ANO6: variants seen among roughly 807,000 people sequenced by gnomAD.
ANO6 encodes anoctamin 6.
In ANO6, 106 loss-of-function variants were observed where a neutral mutation model predicts 117.5. That is an observed-to-expected ratio of 0.90 (90% CI 0.77 to 1.06). ANO6 has a LOEUF of 1.06. Ranked by LOEUF, ANO6 falls within the 50% of genes least tolerant of loss-of-function variation. The pLI is 0.00. For missense variants in ANO6, 955 were observed against 1,121.1 expected (o/e 0.85, Z 2.12); for synonymous variants, 367 against 385.1 (o/e 0.95, Z 0.55).
intron 1 of ANO6, among the ~76,000 whole-genome samples, chr12:45,268,452 G>T (rs1455967177): frequency 3.3e-5 from 5 of 152,196 alleles, no homozygotes; most frequent in Non-Finnish European, 5.9e-5. Flanking sequence ...CCTGGTAGGT[G>T]GAGGTTGCAG....
intron 10 of ANO6, among the ~76,000 whole-genome samples, chr12:45,385,218 G>A (rs1942265302): frequency 6.6e-6 from 1 of 152,126 alleles, no homozygotes; most frequent in Admixed American, 6.5e-5. Context: ...GATATAGGTT[G>A]GGATGCATGA....
intron 1 of ANO6, chr12:45,292,562 G>A (rs1204662426): frequency 7.3e-6 from 6 of 816,532 alleles, no homozygotes; most frequent in Non-Finnish European, 7.5e-6. Context: ...TGTACATTGA[G>A]TTTTTCTATA....
In ANO6 at chr12:45,345,531, C is replaced by T. The variant is rs1941106666; in HGVS notation, c.280-1491C>T. Among the ~76,000 whole-genome samples, 5 of 152,304 alleles carry T rather than the reference C, an allele frequency of 3.3e-5. No homozygotes were observed. In the South Asian group the frequency reaches 1.0e-3, roughly 32 times the overall value. The stretch of plus-strand genomic sequence containing the variant: ...TTGTTAACTGCTGTGCTAAATATTC[C>T]ACCCAGCGTTTTCAGCTGTCTTCAG... On this transcript the variant is annotated intron_variant, in intron 3 of 19. Coordinates refer to ENST00000320560, the MANE Select transcript of ANO6 (RefSeq NM_001025356.3).
rs776736782 is a variant in ANO6, at chr12:45,348,163, C to T, written c.481C>T (p.Leu161Phe). 1.2e-6 allele frequency: 2 copies of T among 1,614,118 alleles called. No individual in the cohort carries two copies. Among genetic ancestry groups the T allele is most frequent in the East Asian group, 2.2e-5 (1 of 44,874 alleles). Residue 161 changes from leucine (L) to phenylalanine (F), a missense_variant, in exon 5 of 20, where the codon CTC becomes TTC. Transcript: ENST00000320560. ...LKNRSSAFGT[L>F]NWFTKVLSVD... ...AAACCGGTCCTCAGCCTTTGGTACA[C>T]TCAACTGGTTTACCAAAGTCCTCAG...
chr12:45,306,598 T>C lies in ANO6; in HGVS notation c.150+4505T>C, dbSNP rs191811619. On this transcript the variant is annotated intron_variant, in intron 2 of 19. Coordinates refer to ENST00000320560, the MANE Select transcript of ANO6 (RefSeq NM_001025356.3). ...CTACTTTATAGAAAAATATTTTTGA[T>C]TCCCTGAAATTCAATTTTTGATTAT... Among the ~76,000 whole-genome samples, 38 of 152,272 alleles carry C rather than the reference T, an allele frequency of 2.5e-4. No homozygotes were observed. In the East Asian group the frequency reaches 5.0e-3, roughly 20 times the overall value.
At chr12:45,323,247 C>A (rs1164844797) in intron 2 of ANO6, among the ~76,000 whole-genome samples, 1 of 152,168 alleles carries the variant, frequency 6.6e-6, no homozygotes, top group East Asian at 1.9e-4. Flanking sequence ...GACTAAAAGC[C>A]TCTGATGTCC....
At chr12:45,409,278 T>C in intron 15 of ANO6, 79 bp from the exon 16 acceptor site, 1 of 1,564,066 alleles carries the variant, frequency 6.4e-7, no homozygotes, top group Non-Finnish European at 8.8e-7. Flanking sequence ...CTTGTGCAGC[T>C]TTGAGATAGC....
At chr12:45,397,308 GAATGGTGATCATTAA>G (rs1332319252) in intron 12 of ANO6, among the ~76,000 whole-genome samples, 1 of 152,210 alleles carries the variant, frequency 6.6e-6, no homozygotes, top group Non-Finnish European at 1.5e-5. Context: ...ACACCAGTTA[GAATGGTGATCATTAA>G]AAAGTCAGGA....
intron 1 of ANO6, among the ~76,000 whole-genome samples, chr12:45,238,575 G>A (rs1446383853): frequency 1.3e-5 from 2 of 152,120 alleles, no homozygotes; most frequent in Admixed American, 6.6e-5. Flanking sequence ...TTCCAACACT[G>A]TGTTAAATAG....
chr12:45,216,164 G>T lies in ANO6; in HGVS notation c.-158G>T. On this transcript the variant is annotated 5_prime_UTR_variant, in exon 1 of 20. Transcript: ENST00000320560. ...TGGGCTCCGGTCGGTGGGTGCCTCG[G>T]CTCGGCTTTCCCCGGCGCTGGCTGG... is the stretch of plus-strand genomic sequence containing the variant. The T allele has an allele frequency of 1.2e-6, 1 of 805,880 alleles. No homozygotes were observed. The allele number at this position is 805,880 out of a possible 1,614,324, so 49.9% of individuals were successfully genotyped here.
chr12:45,288,105 A>G (rs966754041), intron 1 of ANO6, among the ~76,000 whole-genome samples: 39 of 152,316 alleles, frequency 2.6e-4, no homozygotes, highest in Middle Eastern at 3.4e-3. Context: ...ACAGCAGAGC[A>G]TGTAGTAGGT....
At chr12:45,244,074 TC>T (rs1489639810) in intron 1 of ANO6, among the ~76,000 whole-genome samples, 2 of 152,230 alleles carry the variant, frequency 1.3e-5, no homozygotes, top group Non-Finnish European at 2.9e-5. Flanking sequence ...ACAGAGTTTT[TC>T]CCAATAACTT....
At chr12:45,331,658 T>G (rs1940670373) in intron 3 of ANO6, among the ~76,000 whole-genome samples, 1 of 152,108 alleles carries the variant, frequency 6.6e-6, no homozygotes, top group South Asian at 2.1e-4. Context: ...AAAGCAGACT[T>G]TCTTTCAAGG....
At chr12:45,374,715 G>C (rs1941953573) in intron 9 of ANO6, among the ~76,000 whole-genome samples, 1 of 145,532 alleles carries the variant, frequency 6.9e-6, no homozygotes, top group Non-Finnish European at 1.5e-5. Context: ...AAAATAATAA[G>C]AGCTATCTAT....
rs1462604738 is a variant in ANO6 at position 45,241,868 on chromosome 12, T to C, written c.70+25477T>C. On this transcript the variant is annotated intron_variant, in intron 1 of 19. Transcript: ENST00000320560. ...ACTCCAGACCCTGTTTGCCTGGGTA[T>C]CACCAGTTGAGGCTGCAGAACTGCA... 2.0e-5 allele frequency among the ~76,000 whole-genome samples: 3 copies of C among 152,212 alleles called. No homozygotes were observed. In the East Asian group the frequency reaches 5.8e-4, roughly 29 times the overall value.
intron 1 of ANO6, among the ~76,000 whole-genome samples, chr12:45,265,255 G>A (rs890790946): frequency 1.1e-4 from 16 of 152,064 alleles, no homozygotes; most frequent in African/African-American, 2.4e-4. Flanking sequence ...TCTTCCTCCC[G>A]TGTTGGATCT....
chr12:45,304,604 G>T (rs1191671760), intron 2 of ANO6, among the ~76,000 whole-genome samples: 2 of 152,194 alleles, frequency 1.3e-5, no homozygotes, highest in South Asian at 2.1e-4. Flanking sequence ...TCCTCAAATA[G>T]TTCAGATTTT....
intron 12 of ANO6, 70 bp downstream of exon 12, chr12:45,390,568 C>G (rs913377389): frequency 1.5e-6 from 2 of 1,338,904 alleles, no homozygotes; most frequent in Non-Finnish European, 2.1e-6. Flanking sequence ...TTTTTAATAT[C>G]TAATTTTAAA....
At chr12:45,232,453 G>A (rs1365836498) in intron 1 of ANO6, among the ~76,000 whole-genome samples, 1 of 152,102 alleles carries the variant, frequency 6.6e-6, no homozygotes, top group East Asian at 1.9e-4. Flanking sequence ...ACAGAACCTG[G>A]GCATATCCAA....
Sources: allele counts gnomAD v4.1 joint callset (sites outside exome capture counted in the v4.1 genomes callset), GRCh38; gene constraint gnomAD v4.1.1; transcripts MANE v1.5; gene names NCBI Gene and HGNC (gene_info 2026-07-23, HGNC 2026-07-21).